PRKN: variants seen among roughly 807,000 people sequenced by gnomAD.
The protein encoded by PRKN is parkin RBR E3 ubiquitin protein ligase, also known as E3 ubiquitin-protein ligase parkin.
Under a neutral mutation model 59.5 loss-of-function variants are expected in PRKN, and 56 were observed. The observed-to-expected ratio is 0.94, with a 90% CI of 0.76 to 1.18. The LOEUF is 1.18. PRKN is among the 50% of genes most tolerant of loss of function. PRKN has a pLI of 0.00. For missense variants in PRKN, 657 were observed against 596.4 expected (o/e 1.10, Z -1.06); for synonymous variants, 250 against 222.1 (o/e 1.13, Z -1.12).
At chr6:162,080,776 G>C (rs893448269) in intron 4 of PRKN, among the ~76,000 whole-genome samples, 10 of 151,972 alleles carry the variant, frequency 6.6e-5, no homozygotes, top group African/African-American at 2.4e-4. Context: ...CGCACTGATG[G>C]ACTCTTCATT....
chr6:162,361,108 C>T (rs1185607319), intron 2 of PRKN, among the ~76,000 whole-genome samples: 1 of 152,234 alleles, frequency 6.6e-6, no homozygotes, highest in East Asian at 1.9e-4. Context: ...ATCTTCTTAG[C>T]TGGGAAGACA....
intron 6 of PRKN, among the ~76,000 whole-genome samples, chr6:161,935,454 T>C (rs1049056567): frequency 2.7e-5 from 4 of 150,504 alleles, no homozygotes; most frequent in Non-Finnish European, 5.9e-5. Context: ...CTAGGGAGGC[T>C]GAGGTGGGAG....
chr6:161,792,718 A>C (rs1790687100), intron 6 of PRKN, among the ~76,000 whole-genome samples: 1 of 152,230 alleles, frequency 6.6e-6, no homozygotes, highest in Non-Finnish European at 1.5e-5. Flanking sequence ...GTCATGCCCC[A>C]GTTAGCAATC....
At chr6:161,643,994 T>C (rs1042550580) in intron 7 of PRKN, among the ~76,000 whole-genome samples, 3 of 152,148 alleles carry the variant, frequency 2.0e-5, no homozygotes, top group Non-Finnish European at 4.4e-5. Context: ...AGTTCATCAA[T>C]GCCAGAGGAG....
intron 6 of PRKN, among the ~76,000 whole-genome samples, chr6:161,905,303 T>A (rs1292124159): frequency 6.6e-6 from 1 of 152,218 alleles, no homozygotes; most frequent in African/African-American, 2.4e-5. Context: ...AGTCTCATTC[T>A]TGTGTTCCTA....
intron 7 of PRKN, among the ~76,000 whole-genome samples, chr6:161,720,032 T>C (rs1306351126): frequency 3.9e-5 from 6 of 152,184 alleles, no homozygotes; most frequent in Admixed American, 3.3e-4. Flanking sequence ...TTTTCCGTGG[T>C]TCTGCTTCCT....
At chr6:162,569,556 A>G (rs904656188) in intron 1 of PRKN, 3 of 717,310 alleles carry the variant, frequency 4.2e-6, no homozygotes, top group Non-Finnish European at 7.8e-6. Context: ...AGCTTGGCCT[A>G]TGGGGGTCTC....
chr6:162,151,206 G>C (rs1037287408), intron 4 of PRKN, among the ~76,000 whole-genome samples: 8 of 152,156 alleles, frequency 5.3e-5, no homozygotes, highest in African/African-American at 1.7e-4. Flanking sequence ...CTCCACACTC[G>C]TAAGTGGGTC....
intron 10 of PRKN, among the ~76,000 whole-genome samples, chr6:161,383,892 C>T (rs997012869): frequency 6.6e-6 from 1 of 152,190 alleles, no homozygotes; most frequent in African/African-American, 2.4e-5. Context: ...AGTTGCTTTC[C>T]GTTGTCTGGC....
chr6:161,745,791 G>T (rs772625250), intron 7 of PRKN, among the ~76,000 whole-genome samples: 6 of 152,224 alleles, frequency 3.9e-5, no homozygotes, highest in Non-Finnish European at 8.8e-5. Context: ...CCGACTGGAA[G>T]AACAAGTGAC....
intron 2 of PRKN, among the ~76,000 whole-genome samples, chr6:162,383,004 A>G (rs9458537): frequency 0.043 from 6,560 of 152,236 alleles, 493 homozygotes; most frequent in African/African-American, 0.15. Flanking sequence ...ATTTGGTCAC[A>G]TCTTCAGGCT....
intron 2 of PRKN, among the ~76,000 whole-genome samples, chr6:162,354,404 C>T (rs1583429287): frequency 6.6e-6 from 1 of 151,974 alleles, no homozygotes; most frequent in Non-Finnish European, 1.5e-5. Flanking sequence ...ATCATTTGTA[C>T]TTATCAGGAA....
intron 5 of PRKN, among the ~76,000 whole-genome samples, chr6:162,025,583 CTTTTTTTTTTTTTT>C (rs1177676968): frequency 1.7e-5 from 1 of 59,006 alleles, no homozygotes; most frequent in African/African-American, 7.3e-5. Flanking sequence ...ATCCATGGTG[CTTTTTTTTTTTTTT>C]TTTTTTTTTT....
chr6:162,303,506 A>T (rs920957057), intron 2 of PRKN, among the ~76,000 whole-genome samples: 7 of 152,184 alleles, frequency 4.6e-5, no homozygotes, highest in Non-Finnish European at 8.8e-5. Flanking sequence ...TTGTTCATAA[A>T]TTCATTAATT....
intron 6 of PRKN, among the ~76,000 whole-genome samples, chr6:161,890,703 C>G (rs1417608432): frequency 6.6e-6 from 1 of 152,190 alleles, no homozygotes; most frequent in African/African-American, 2.4e-5. Flanking sequence ...TTTCTCTATT[C>G]AAGGCACTGT....
At chr6:161,792,720 T>C (rs1790687218) in intron 6 of PRKN, among the ~76,000 whole-genome samples, 1 of 152,218 alleles carries the variant, frequency 6.6e-6, no homozygotes, top group Non-Finnish European at 1.5e-5. Context: ...CATGCCCCAG[T>C]TAGCAATCTT....
chr6:162,242,594 A>C (rs976510168), intron 3 of PRKN, among the ~76,000 whole-genome samples: 1 of 152,170 alleles, frequency 6.6e-6, no homozygotes, highest in African/African-American at 2.4e-5. Flanking sequence ...TCATGCAAAA[A>C]TATTTTGATA....
At chr6:162,448,426 C>T (rs1483160314) in intron 1 of PRKN, among the ~76,000 whole-genome samples, 2 of 152,192 alleles carry the variant, frequency 1.3e-5, no homozygotes, top group East Asian at 1.9e-4. Flanking sequence ...TTCCGTGAGC[C>T]AACACTTGAA....
chr6:162,274,180 A>T (rs184437715), intron 2 of PRKN, among the ~76,000 whole-genome samples: 1,703 of 151,304 alleles, frequency 0.011, 32 homozygotes, highest in African/African-American at 0.038. Flanking sequence ...TTAATTTATT[A>T]ATGTATTTAT....
Sources: gnomAD v4.1 joint callset for allele counts (sites outside exome capture counted in the v4.1 genomes callset) on GRCh38, gnomAD v4.1.1 for gene constraint, MANE v1.5 for transcripts, NCBI Gene and HGNC (gene_info 2026-07-23, HGNC 2026-07-21) for gene names.